The following PCDHGA8 variants were observed in gnomAD, a reference collection of about 807,000 sequenced individuals.
PCDHGA8 encodes the protein protocadherin gamma-A8.
In PCDHGA8, 45 loss-of-function variants were observed where a neutral mutation model predicts 59.2. That is an observed-to-expected ratio of 0.76 (90% CI 0.60 to 0.98). The LOEUF (loss-of-function observed/expected upper bound fraction) is 0.98, where lower values mean the gene tolerates loss of function less well. Ranked by LOEUF, PCDHGA8 falls within the 50% of genes least tolerant of loss-of-function variation. PCDHGA8 has a pLI of 0.00. For synonymous variants in PCDHGA8, 531 were observed against 519.0 expected (o/e 1.02, Z -0.32); for missense variants, 1,257 against 1,196.2 (o/e 1.05, Z -0.75).
At chr5:141,436,668 C>CA (rs1159051861) in intron 1 of PCDHGA8, among the ~76,000 whole-genome samples, 1 of 151,748 alleles carries the variant, frequency 6.6e-6, no homozygotes, top group South Asian at 2.1e-4. Flanking sequence ...AGTGGTTGAC[C>CA]AAAAAAAGGA....
At position 141,477,744 on chromosome 5, in the gene PCDHGA8, G is replaced by A; in HGVS notation, c.2425-17063G>A. On this transcript the variant is annotated intron_variant, in intron 1 of 3. Coordinates refer to ENST00000398604, the MANE Select transcript of PCDHGA8 (RefSeq NM_032088.2). The surrounding 1 kb of genome is among the most constrained non-coding windows in gnomAD (Gnocchi z 4.9). Reference sequence around the variant, plus strand: ...TTAACAGCTCATATCAGCGATGGGGGCACCCCGGTCCTAGCCACCAACATC... The same window carrying A: ...TTAACAGCTCATATCAGCGATGGGGACACCCCGGTCCTAGCCACCAACATC... 6.2e-7 allele frequency: 1 copy of A among 1,613,778 alleles called. No homozygotes were observed. The highest frequency in any genetic ancestry group is 8.5e-7 in the Non-Finnish European group (1 of 1,180,028).
Position 141,485,337 on chromosome 5 carries a change from A to G in PCDHGA8, c.2425-9470A>G, listed in dbSNP as rs147409155. On this transcript the variant is annotated intron_variant, in intron 1 of 3. Transcript: ENST00000398604. The surrounding 1 kb of genome is among the most constrained non-coding windows in gnomAD (Gnocchi z 5.7). ...AATGTCGCTCAAGATTTCCTGCTGG[A>G]TACGGACAGTCTGTCAGCTCGCAGG... 4.3e-5 allele frequency: 70 copies of G among 1,614,012 alleles called. No individual in the cohort carries two copies. Among genetic ancestry groups the G allele is most frequent in the Non-Finnish European group, 5.7e-5 (67 of 1,180,016 alleles).
In PCDHGA8 at chr5:141,490,175, A is replaced by C; in HGVS notation, c.2425-4632A>C. The C allele has an allele frequency of 1.9e-6, 3 of 1,614,194 alleles. No homozygotes were observed. Among genetic ancestry groups the C allele is most frequent in the East Asian group, 4.5e-5 (2 of 44,884 alleles). On this transcript the variant is annotated intron_variant, in intron 1 of 3. Coordinates refer to ENST00000398604, the MANE Select transcript of PCDHGA8 (RefSeq NM_032088.2). This position sits in a 1 kb window ranked among gnomAD's most constrained non-coding sequence, Gnocchi z 5.4. ...GTGTTGGGTCCCATAGACTTTGAGG[A>C]GTCACGTTTCTATGAAATTCATGCA...
At position 141,489,664 on chromosome 5, in the gene PCDHGA8, A is replaced by G. The variant is rs745597010; in HGVS notation, c.2425-5143A>G. On this transcript the variant is annotated intron_variant, in intron 1 of 3. Transcript: ENST00000398604. The surrounding 1 kb of genome is among the most constrained non-coding windows in gnomAD (Gnocchi z 4.5). ...TGCCACCCCTGAGCGAGAGATGCGCATCTCAGAATCAGCAGCATCTGGGGC... is the reference window on the plus strand; with the variant it reads ...TGCCACCCCTGAGCGAGAGATGCGCGTCTCAGAATCAGCAGCATCTGGGGC... 1 of 1,614,106 alleles carries G rather than the reference A, an allele frequency of 6.2e-7. No homozygotes were observed. The highest frequency in any genetic ancestry group is 8.5e-7 in the Non-Finnish European group (1 of 1,180,050).
intron 1 of PCDHGA8, chr5:141,440,868 T>G (rs1288344051): frequency 3.9e-5 from 6 of 152,150 alleles, no homozygotes; most frequent in Non-Finnish European, 1.5e-5. Context: ...ATCTAGGATG[T>G]GTACAGCGTC....
chr5:141,498,807 C>T (rs113587634), intron 2 of PCDHGA8, among the ~76,000 whole-genome samples: 5,552 of 152,138 alleles, frequency 0.036, 136 homozygotes, highest in South Asian at 0.073. Context: ...GTGGTGCACA[C>T]CTGTAGTCCC....
chr5:141,427,606 G>A (rs965315804), intron 1 of PCDHGA8: 2 of 688,192 alleles, frequency 2.9e-6, no homozygotes, highest in African/African-American at 3.5e-5. Flanking sequence ...CTACGCATTG[G>A]TGAAGTCAAC....
intron 1 of PCDHGA8, chr5:141,400,262 G>A: frequency 6.2e-7 from 1 of 1,614,032 alleles, no homozygotes; most frequent in Non-Finnish European, 8.5e-7. Flanking sequence ...TTGCGCCTGC[G>A]ACGCTCCTCC....
Position 141,486,445 on chromosome 5 carries a change from G to A in PCDHGA8, c.2425-8362G>A. On this transcript the variant is annotated intron_variant, in intron 1 of 3. Coordinates refer to ENST00000398604, the MANE Select transcript of PCDHGA8 (RefSeq NM_032088.2). The surrounding 1 kb of genome is among the most constrained non-coding windows in gnomAD (Gnocchi z 5.0). ...AGGCCAAATCTAGCTATGACATCAT[G>A]GTCACTGCTTCTGATGCTGGGAACC... 6.2e-7 allele frequency: 1 copy of A among 1,613,948 alleles called. No homozygotes were observed. The highest frequency in any genetic ancestry group is 8.5e-7 in the Non-Finnish European group (1 of 1,179,862).
chr5:141,415,982 T>A lies in PCDHGA8; in HGVS notation c.2424+20745T>A, dbSNP rs531852883. The A allele has an allele frequency of 1.9e-4, 66 of 342,492 alleles. 1 individual carries two copies. Among genetic ancestry groups the A allele is most frequent in the African/African-American group, 1.3e-3 (59 of 46,668 alleles). 21.2% of individuals were successfully genotyped at this position (342,492 alleles called of 1,614,324 possible). A position where few individuals can be genotyped will look rare whatever the true frequency, so the allele number is the denominator to read the frequency against. ...AACTCCAGCCCCTTAAGCAACCCTC[T>A]TGTTCTGAAGGCAGGTCTGGTAAGA... On this transcript the variant is annotated intron_variant, in intron 1 of 3. Transcript: ENST00000398604.
At chr5:141,459,806 A>G (rs2154566682) in intron 1 of PCDHGA8, among the ~76,000 whole-genome samples, 1 of 152,342 alleles carries the variant, frequency 6.6e-6, no homozygotes, top group African/African-American at 2.4e-5. Flanking sequence ...CCTGTTGACT[A>G]GAGACACTGA....
chr5:141,441,041 C>T (rs2098220628), intron 1 of PCDHGA8: 1 of 152,152 alleles, frequency 6.6e-6, no homozygotes, highest in African/African-American at 2.4e-5. Context: ...ACTTTAAGTA[C>T]ATTGGACTTT....
intron 1 of PCDHGA8, among the ~76,000 whole-genome samples, chr5:141,482,053 C>G (rs2099551080): frequency 6.6e-6 from 1 of 150,558 alleles, no homozygotes; most frequent in Non-Finnish European, 1.5e-5. Flanking sequence ...CTGTTGCATT[C>G]CAGCCTGGGC....
Position 141,486,912 on chromosome 5 carries a change from T to C in PCDHGA8, c.2425-7895T>C. The stretch of plus-strand genomic sequence containing the variant: ...CCTGGTTCCTTATGTCCCCAAGCAC[T>C]GCCTCCATCAGTTGGTGCTGGCCAC... On this transcript the variant is annotated intron_variant, in intron 1 of 3. Coordinates refer to ENST00000398604, the MANE Select transcript of PCDHGA8 (RefSeq NM_032088.2). This position sits in a 1 kb window ranked among gnomAD's most constrained non-coding sequence, Gnocchi z 5.0. The C allele has an allele frequency of 1.2e-6, 2 of 1,614,246 alleles. No homozygotes were observed. Among genetic ancestry groups the C allele is most frequent in the Non-Finnish European group, 1.7e-6 (2 of 1,180,040 alleles).
chr5:141,510,804 T>C (rs965530116), intron 3 of PCDHGA8, 143 bp from the exon 4 acceptor site: 2 of 1,504,768 alleles, frequency 1.3e-6, no homozygotes, highest in Admixed American at 2.0e-5. Flanking sequence ...AGAGACTACC[T>C]TGGTGACCCC....
intron 1 of PCDHGA8, among the ~76,000 whole-genome samples, chr5:141,468,754 T>C (rs1205525962): frequency 6.6e-6 from 1 of 152,036 alleles, no homozygotes; most frequent in Admixed American, 6.6e-5. Flanking sequence ...TAGTCCCAGC[T>C]ACTCGGGAGG....
At chr5:141,430,404 A>T (rs1054341813) in intron 1 of PCDHGA8, among the ~76,000 whole-genome samples, 2 of 152,000 alleles carry the variant, frequency 1.3e-5, no homozygotes, top group African/African-American at 4.8e-5. Flanking sequence ...AAAGCTCACT[A>T]AAGTTTCTAT....
intron 1 of PCDHGA8, chr5:141,416,557 T>C (rs1428283225): frequency 3.9e-5 from 6 of 152,112 alleles, no homozygotes; most frequent in Non-Finnish European, 8.8e-5. Flanking sequence ...CCTGAAACTC[T>C]GAAAACTCTG....
intron 1 of PCDHGA8, chr5:141,415,349 A>G (rs921019257): frequency 1.2e-6 from 2 of 1,614,220 alleles, no homozygotes; most frequent in Non-Finnish European, 1.7e-6. Flanking sequence ...CGCTGGCACA[A>G]GTCACGCCTG....
Sources: gnomAD v4.1 joint callset for allele counts (sites outside exome capture counted in the v4.1 genomes callset) on GRCh38, gnomAD v4.1.1 for gene constraint, Gnocchi (gnomAD v3.1) non-coding constraint, MANE v1.5 for transcripts, NCBI Gene and HGNC (gene_info 2026-07-23, HGNC 2026-07-21) for gene names.